OPCML: variants seen among roughly 807,000 people sequenced by gnomAD.
OPCML encodes opioid binding protein/cell adhesion molecule like, also known as opioid-binding protein/cell adhesion molecule.
OPCML carries 13 observed loss-of-function variants against 37.8 expected under a neutral mutation model. That is an observed-to-expected ratio of 0.34 (90% CI 0.22 to 0.55). OPCML has a LOEUF of 0.55. Among genes scored for constraint, OPCML ranks in the 20% least tolerant of loss-of-function variants. OPCML has a pLI of 0.91. For synonymous variants in OPCML, 176 were observed against 168.8 expected (o/e 1.04, Z -0.33); for missense variants, 341 against 435.6 (o/e 0.78, Z 1.93).
At chr11:132,797,639 G>A (rs1458696537) in intron 2 of OPCML, among the ~76,000 whole-genome samples, 1 of 152,022 alleles carries the variant, frequency 6.6e-6, no homozygotes, top group Non-Finnish European at 1.5e-5. Flanking sequence ...ACTGTAATCT[G>A]TTATATGGGC....
At chr11:133,311,109 A>G (rs1275151732) in intron 1 of OPCML, among the ~76,000 whole-genome samples, 1 of 152,178 alleles carries the variant, frequency 6.6e-6, no homozygotes, top group African/African-American at 2.4e-5. Flanking sequence ...ATCCTGTTTC[A>G]TCACTGTTGT....
intron 1 of OPCML, among the ~76,000 whole-genome samples, chr11:133,305,776 C>G (rs986296255): frequency 5.3e-5 from 8 of 152,286 alleles, no homozygotes; most frequent in African/African-American, 1.9e-4. Flanking sequence ...AAGTCTTTTT[C>G]TGTTGATCAT....
chr11:132,714,574 T>C (rs1310386739), intron 2 of OPCML, among the ~76,000 whole-genome samples: 2 of 137,690 alleles, frequency 1.5e-5, no homozygotes, highest in East Asian at 4.1e-4. Flanking sequence ...CAAAATATCA[T>C]TGATAAATCT....
intron 4 of OPCML, among the ~76,000 whole-genome samples, chr11:132,469,199 T>G (rs891308027): frequency 2.0e-5 from 3 of 151,886 alleles, no homozygotes; most frequent in Non-Finnish European, 4.4e-5. Context: ...AGTGAGGGAG[T>G]TGGAAGCAAA....
intron 1 of OPCML, among the ~76,000 whole-genome samples, chr11:133,241,451 A>ATT (rs1336252267): frequency 6.6e-6 from 1 of 152,208 alleles, no homozygotes; most frequent in East Asian, 1.9e-4. Flanking sequence ...GTGCACCTAA[A>ATT]TGGTATCCTT....
chr11:132,962,633 G>A (rs143023760), intron 1 of OPCML, among the ~76,000 whole-genome samples: 2 of 152,256 alleles, frequency 1.3e-5, no homozygotes, highest in East Asian at 3.9e-4. Flanking sequence ...TCCCCGAATG[G>A]ACAAGTCTGT....
chr11:132,839,751 A>G (rs1195631099), intron 2 of OPCML, among the ~76,000 whole-genome samples: 1 of 152,228 alleles, frequency 6.6e-6, no homozygotes, highest in Non-Finnish European at 1.5e-5. Flanking sequence ...GGAGCAACAG[A>G]TGCAAATATG....
intron 2 of OPCML, among the ~76,000 whole-genome samples, chr11:132,733,621 T>C (rs1945157902): frequency 6.6e-6 from 1 of 152,206 alleles, no homozygotes; most frequent in Non-Finnish European, 1.5e-5. Flanking sequence ...ACATTAGTAG[T>C]GGCACAAATC....
rs568857189 is a variant in OPCML at position 132,653,426 on chromosome 11, C to G, written c.379+3661G>C. Among the ~76,000 whole-genome samples the G allele has an allele frequency of 5.7e-3, 861 of 152,248 alleles. 4 individuals are homozygous for G. The highest frequency in any genetic ancestry group is 8.5e-3 in the Non-Finnish European group (579 of 68,012). ...CCGCTTTAGCTCCTGCTCTGCGGGG[C>G]TGCCAGGCTGATTTTCCCCCCAACT... On this transcript the variant is annotated intron_variant, in intron 3 of 7. Coordinates refer to ENST00000524381, the MANE Select transcript of OPCML (RefSeq NM_001012393.5).
intron 1 of OPCML, among the ~76,000 whole-genome samples, chr11:133,176,074 T>C (rs1950368383): frequency 6.6e-6 from 1 of 152,188 alleles, no homozygotes; most frequent in African/African-American, 2.4e-5. Flanking sequence ...GGCCTCCAAG[T>C]TCATACTTTA....
At chr11:133,303,112 T>C (rs1170089714) in intron 1 of OPCML, among the ~76,000 whole-genome samples, 1 of 152,120 alleles carries the variant, frequency 6.6e-6, no homozygotes, top group Non-Finnish European at 1.5e-5. Flanking sequence ...AAATAAGCAT[T>C]GTGAAGTAAG....
At chr11:133,501,199 G>A (rs1487516479) in intron 1 of OPCML, among the ~76,000 whole-genome samples, 8 of 152,078 alleles carry the variant, frequency 5.3e-5, no homozygotes, top group East Asian at 1.9e-4. Flanking sequence ...AGATTCACCC[G>A]TCCAGCTTCT....
In OPCML at chr11:132,970,275, G is replaced by A. The variant is rs568575726; in HGVS notation, c.62-27265C>T. Among the ~76,000 whole-genome samples the A allele has an allele frequency of 4.6e-5, 7 of 152,190 alleles. No individual in the cohort carries two copies. In the South Asian group the frequency reaches 8.3e-4, roughly 18 times the overall value. ...CTCAAAGAATTATATAGGCACATAC[G>A]AAATATTTTATTTATACTCAGAGAA... On this transcript the variant is annotated intron_variant, in intron 1 of 7. Transcript: ENST00000524381.
intron 2 of OPCML, among the ~76,000 whole-genome samples, chr11:132,857,983 G>C (rs1942130446): frequency 6.6e-6 from 1 of 152,150 alleles, no homozygotes; most frequent in South Asian, 2.1e-4. Context: ...AATGAGGACA[G>C]TGTGGCGTCC....
intron 5 of OPCML, 34 bp from the exon 6 acceptor site, chr11:132,436,813 A>C: frequency 6.2e-7 from 1 of 1,607,608 alleles, no homozygotes. Flanking sequence ...ATGCACAGGC[A>C]TGCACGCACG....
chr11:132,633,637 T>C (rs932620751), intron 3 of OPCML, among the ~76,000 whole-genome samples: 12 of 151,802 alleles, frequency 7.9e-5, no homozygotes, highest in Non-Finnish European at 1.8e-4. Context: ...TAAGACAAAA[T>C]AAAGAGCTGA....
At chr11:133,080,476 T>TG (rs557059652) in intron 1 of OPCML, among the ~76,000 whole-genome samples, 3 of 30,164 alleles carry the variant, frequency 9.9e-5, no homozygotes, top group Admixed American at 2.7e-4. Flanking sequence ...AATCAAATGT[T>TG]TTTTTTTTTT....
intron 2 of OPCML, among the ~76,000 whole-genome samples, chr11:132,766,342 A>G (rs1343484712): frequency 6.6e-6 from 1 of 152,204 alleles, no homozygotes; most frequent in African/African-American, 2.4e-5. Context: ...TCTCAGAAAA[A>G]TGGTAACATT....
At chr11:133,378,699 TC>T (rs144520065) in intron 1 of OPCML, among the ~76,000 whole-genome samples, 3,686 of 151,592 alleles carry the variant, frequency 0.024, 83 homozygotes, top group African/African-American at 0.066. Flanking sequence ...TTTCTTTTTT[TC>T]CTTCCTTCCT....
Sources: gnomAD v4.1 joint callset for allele counts (sites outside exome capture counted in the v4.1 genomes callset) on GRCh38, gnomAD v4.1.1 for gene constraint, MANE v1.5 for transcripts, NCBI Gene and HGNC (gene_info 2026-07-23, HGNC 2026-07-21) for gene names.